Variants in IL17RA observed in about 807,000 individuals in gnomAD.
IL17RA encodes the protein interleukin 17 receptor A, also known as interleukin-17 receptor A.
A neutral mutation model predicts 50.4 loss-of-function variants in IL17RA; 34 were observed. The observed-to-expected ratio is 0.67, with a 90% CI of 0.51 to 0.90. The LOEUF (loss-of-function observed/expected upper bound fraction) is 0.90. Ranked by LOEUF, IL17RA falls within the 40% of genes least tolerant of loss-of-function variation. The pLI, the probability that IL17RA is intolerant of heterozygous loss-of-function variation, is 0.00. For synonymous variants in IL17RA, 585 were observed against 510.4 expected (o/e 1.15, Z -1.97); for missense variants, 1,276 against 1,169.8 (o/e 1.09, Z -1.32).
At position 17,115,614 on chromosome 22, in the gene IL17RA, T is replaced by C. The variant is rs530737446; in HGVS notation, c.*5794T>C. The C allele has an allele frequency of 1.3e-5, 2 of 152,186 alleles. No individual in the cohort carries two copies. The highest frequency in any genetic ancestry group is 2.4e-5 in the African/African-American group (1 of 41,514). The allele number at this position is 152,186 out of a possible 1,614,324, so 9.4% of individuals were successfully genotyped here. On this transcript the variant is annotated 3_prime_UTR_variant, in exon 13 of 13. Coordinates refer to ENST00000319363, the MANE Select transcript of IL17RA (RefSeq NM_014339.7). ...AAAAAAAAAAATCACTGTGTGTTTG[T>C]TTATTTTGGTGCAGGCCCAGTGTTC...
chr22:17,095,141 G>A (rs554394584), intron 1 of IL17RA, among the ~76,000 whole-genome samples: 1 of 152,240 alleles, frequency 6.6e-6, no homozygotes, highest in Admixed American at 6.5e-5. Context: ...ATTAGCAAAT[G>A]TAATCTAGCA....
chr22:17,098,095 A>C (rs747253018), intron 3 of IL17RA, 152 bp downstream of exon 3: 6 of 871,952 alleles, frequency 6.9e-6, no homozygotes, highest in Non-Finnish European at 1.1e-5. Context: ...GCAGTCAAAT[A>C]CTTGTTCAGC....
At chr22:17,105,781 AGCAGGGCTGGGGGCCTCAGGGTGG>A (rs2061412267) in intron 10 of IL17RA, 48 bp from the exon 11 acceptor site, 2 of 1,447,054 alleles carry the variant, frequency 1.4e-6, no homozygotes, top group Non-Finnish European at 1.9e-6. Flanking sequence ...GGGGCTGGGG[AGCAGGGCTGGGGGCCTCAGGGTGG>A]GCAGGGCAGG....
intron 11 of IL17RA, 126 bp from the exon 12 acceptor site, chr22:17,107,601 G>T (rs534153522): frequency 6.2e-6 from 5 of 805,884 alleles, no homozygotes; most frequent in Non-Finnish European, 1.1e-5. Context: ...GCACGGCCTC[G>T]CTGCTCAGTC....
chr22:17,097,850 C>T lies in IL17RA; in HGVS notation c.217C>T (p.Pro73Ser). ...CCCTCGAAACCTGACCCCCTCCTCC[C>T]CAAAGGACCTGCAGATCCAGCTGCA... ...IHPRNLTPSSPKDLQIQLHFA... is the reference protein window; with the variant it reads ...IHPRNLTPSSSKDLQIQLHFA... Residue 73 changes from proline (P) to serine (S), a missense_variant, in exon 3 of 13, where the codon CCA (proline) becomes TCA (serine). Coordinates refer to ENST00000319363, the MANE Select transcript of IL17RA (RefSeq NM_014339.7). 1 of 1,614,224 alleles carries T rather than the reference C, an allele frequency of 6.2e-7. No homozygotes were observed.
chr22:17,101,299 T>C (rs2061390420), intron 5 of IL17RA, among the ~76,000 whole-genome samples: 1 of 152,218 alleles, frequency 6.6e-6, no homozygotes. Flanking sequence ...AGTAGGTTGG[T>C]CAAGAAATGC....
chr22:17,106,616 G>A (rs564042798), intron 11 of IL17RA, among the ~76,000 whole-genome samples: 7 of 152,286 alleles, frequency 4.6e-5, no homozygotes, highest in East Asian at 3.9e-4. Flanking sequence ...CAGGCCTTCC[G>A]GTTGGGGCTT....
rs1486018314 is a variant in IL17RA at position 17,109,660 on chromosome 22, A to G, written c.2441A>G (p.Glu814Gly). ...PPEGLTEMEE[E>G]EEEEQDPGKP... ...GAGGGACTCACGGAAATGGAGGAAG[A>G]GGAGGAAGAGGAGCAGGACCCAGGG... Residue 814 changes from glutamate (E) to glycine (G), a missense_variant, in exon 13 of 13, where the codon GAG (glutamate) becomes GGG (glycine). Coordinates refer to ENST00000319363, the MANE Select transcript of IL17RA (RefSeq NM_014339.7). The G allele has an allele frequency of 2.5e-6, 4 of 1,600,724 alleles. No individual in the cohort carries two copies. The highest frequency in any genetic ancestry group is 3.4e-6 in the Non-Finnish European group (4 of 1,174,528).
rs41360144 is a variant in IL17RA, at chr22:17,096,599, G to A, written c.139-463G>A. ...AAAATACCATTCCTGTGCCGGGCGC[G>A]GTGGCTCACGCTTGTAATCCCAGCA... On this transcript the variant is annotated intron_variant, in intron 1 of 12. Coordinates refer to ENST00000319363, the MANE Select transcript of IL17RA (RefSeq NM_014339.7). Among the ~76,000 whole-genome samples the A allele has an allele frequency of 2.6e-3, 403 of 152,148 alleles. 2 individuals are homozygous for A. The highest frequency in any genetic ancestry group is 9.3e-3 in the African/African-American group (388 of 41,510).
At position 17,097,963 on chromosome 22, in the gene IL17RA, G is replaced by A. The variant is rs777115229; in HGVS notation, c.310+20G>A. On this transcript the variant is annotated intron_variant, in intron 3 of 12. Transcript: ENST00000319363. Reference sequence around the variant, plus strand: ...CAGACGGTGAGTGGGCATGCCAGCAGGGCCCTGGGGGATTCTCCCTGCCTC... The same window carrying A: ...CAGACGGTGAGTGGGCATGCCAGCAAGGCCCTGGGGGATTCTCCCTGCCTC... 5 of 1,613,484 alleles carry A rather than the reference G, an allele frequency of 3.1e-6. No individual in the cohort carries two copies. The highest frequency in any genetic ancestry group is 4.2e-6 in the Non-Finnish European group (5 of 1,180,036).
At chr22:17,106,271 G>C (rs1426613229) in intron 11 of IL17RA, among the ~76,000 whole-genome samples, 3 of 152,208 alleles carry the variant, frequency 2.0e-5, no homozygotes, top group Non-Finnish European at 4.4e-5. Flanking sequence ...AGGTGGAGCA[G>C]CCTGAACAAC....
At position 17,110,348 on chromosome 22, in the gene IL17RA, A is replaced by C. The variant is rs1342004713; in HGVS notation, c.*528A>C. ...CCCCATCTCCACTAAAAATAGAAAAATTAGCCGGGCATGGTGACACATGCC... is the reference window on the plus strand; with the variant it reads ...CCCCATCTCCACTAAAAATAGAAAACTTAGCCGGGCATGGTGACACATGCC... On this transcript the variant is annotated 3_prime_UTR_variant, in exon 13 of 13. Coordinates refer to ENST00000319363, the MANE Select transcript of IL17RA (RefSeq NM_014339.7). 5.6e-6 allele frequency: 1 copy of C among 179,784 alleles called. No homozygotes were observed. The highest frequency in any genetic ancestry group is 2.4e-5 in the African/African-American group (1 of 41,592). The allele number at this position is 179,784 out of a possible 1,614,324, so 11.1% of individuals were successfully genotyped here. A position where few individuals can be genotyped will look rare whatever the true frequency, so the allele number is the denominator to read the frequency against.
intron 1 of IL17RA, among the ~76,000 whole-genome samples, chr22:17,087,520 A>C (rs539165743): frequency 6.6e-6 from 1 of 152,238 alleles, no homozygotes; most frequent in South Asian, 2.1e-4. Flanking sequence ...TATTTGATAC[A>C]TATGTGTTGA....
rs758765484 is a variant in IL17RA at position 17,085,119 on chromosome 22, G to A, written c.28G>A (p.Ala10Thr). Residue 10 changes from alanine to threonine, a missense_variant, in exon 1 of 13, where the codon GCT (alanine) becomes ACT (threonine). Coordinates refer to ENST00000319363, the MANE Select transcript of IL17RA (RefSeq NM_014339.7). MGAARSPPS[A>T]VPGPLLGLLL... is the part of the protein sequence containing the mutation. ...GGGGGCCGCACGCAGCCCGCCGTCCGCTGTCCCGGGGCCCCTGCTGGGGCT... is the reference window on the plus strand; with the variant it reads ...GGGGGCCGCACGCAGCCCGCCGTCCACTGTCCCGGGGCCCCTGCTGGGGCT... 6.4e-5 allele frequency: 89 copies of A among 1,399,082 alleles called. No homozygotes were observed. The highest frequency in any genetic ancestry group is 1.5e-5 in the Non-Finnish European group (16 of 1,076,322). The allele number at this position is 1,399,082 out of a possible 1,614,324, so 86.7% of individuals were successfully genotyped here. A position where few individuals can be genotyped will look rare whatever the true frequency, so the allele number is the denominator to read the frequency against.
intron 1 of IL17RA, among the ~76,000 whole-genome samples, chr22:17,092,771 TGTTA>T (rs1213888289): frequency 6.6e-6 from 1 of 152,240 alleles, no homozygotes; most frequent in Non-Finnish European, 1.5e-5. Flanking sequence ...TCTGTTTTTT[TGTTA>T]ATCTCCTTCT....
chr22:17,107,664 T>A, intron 11 of IL17RA, 63 bp from the exon 12 acceptor site: 1 of 1,405,052 alleles, frequency 7.1e-7, no homozygotes. Context: ...GCAGACACCC[T>A]GTGAGCTGGT....
intron 1 of IL17RA, among the ~76,000 whole-genome samples, chr22:17,089,433 A>G (rs1337940958): frequency 6.6e-6 from 1 of 152,206 alleles, no homozygotes; most frequent in East Asian, 1.9e-4. Context: ...CAAAGTGCTT[A>G]GCATGATGCC....
At chr22:17,095,995 G>C (rs1157839043) in intron 1 of IL17RA, among the ~76,000 whole-genome samples, 1 of 152,136 alleles carries the variant, frequency 6.6e-6, no homozygotes, top group African/African-American at 2.4e-5. Context: ...AGAGAGAGGA[G>C]GGTGTCAGCC....
chr22:17,114,611 CG>C lies in IL17RA; in HGVS notation c.*4794del, dbSNP rs2061459270. 6.6e-6 allele frequency: 1 copy of C among 152,326 alleles called. No homozygotes were observed. The highest frequency in any genetic ancestry group is 1.5e-5 in the Non-Finnish European group (1 of 68,150). 9.4% of individuals were successfully genotyped at this position (152,326 alleles called of 1,614,324 possible). On this transcript the variant is annotated 3_prime_UTR_variant, in exon 13 of 13. Transcript: ENST00000319363. ...GGAGAGGGAGTAGAAAGGAGGGATG[CG>C]GGTGGCTGGTCCCTGCATTTGCCTG...
Sources: allele counts gnomAD v4.1 joint callset (sites outside exome capture counted in the v4.1 genomes callset), GRCh38; gene constraint gnomAD v4.1.1; transcripts MANE v1.5; gene names NCBI Gene and HGNC (gene_info 2026-07-23, HGNC 2026-07-21).